Variants in ITGA6 observed in about 807,000 individuals in gnomAD.
The protein encoded by ITGA6 is integrin subunit alpha 6, also known as integrin alpha-6.
Under a neutral mutation model 133.6 loss-of-function variants are expected in ITGA6, and 63 were observed. That is an observed-to-expected ratio of 0.47 (90% CI 0.38 to 0.58). The LOEUF (loss-of-function observed/expected upper bound fraction) is 0.58, where lower values mean the gene tolerates loss of function less well. ITGA6 is among the 20% of genes least tolerant of loss of function. The probability of loss-of-function intolerance (pLI) is 0.00; values close to 1 mark genes in which losing one functional copy is unlikely to be tolerated. For synonymous variants in ITGA6, 434 were observed against 482.0 expected (o/e 0.90, Z 1.30); for missense variants, 1,068 against 1,309.4 (o/e 0.82, Z 2.85).
chr2:172,432,722 A>G (rs1425501476), intron 1 of ITGA6, among the ~76,000 whole-genome samples: 1 of 152,204 alleles, frequency 6.6e-6, no homozygotes, highest in Non-Finnish European at 1.5e-5. Context: ...TTTTGCCCTA[A>G]AGGCAGACTT....
intron 1 of ITGA6, among the ~76,000 whole-genome samples, chr2:172,463,246 C>T (rs181105444): frequency 1.3e-5 from 2 of 152,280 alleles, no homozygotes; most frequent in East Asian, 3.9e-4. Context: ...CCTTAGGTAA[C>T]TTAGTAGCCA....
At chr2:172,490,092 A>G (rs572935907) in intron 20 of ITGA6, among the ~76,000 whole-genome samples, 1 of 152,306 alleles carries the variant, frequency 6.6e-6, no homozygotes, top group South Asian at 2.1e-4. Flanking sequence ...TTAAAATAGT[A>G]ATTATTTATT....
intron 24 of ITGA6, among the ~76,000 whole-genome samples, chr2:172,500,341 G>A (rs59424951): frequency 0.16 from 24,569 of 152,100 alleles, 2,458 homozygotes; most frequent in African/African-American, 0.28. Context: ...GGCTGGGCGC[G>A]GTGGCTCCTG....
chr2:172,473,110 C>A (rs1365460887), intron 5 of ITGA6, among the ~76,000 whole-genome samples: 1 of 152,170 alleles, frequency 6.6e-6, no homozygotes, highest in Non-Finnish European at 1.5e-5. Context: ...CAATTCACTT[C>A]ACAATTTGAG....
rs531510886 is a variant in ITGA6, at chr2:172,479,767, C to T, written c.1487+28C>T. 5 of 1,569,836 alleles carry T rather than the reference C, an allele frequency of 3.2e-6. No individual in the cohort carries two copies. The South Asian group carries it at 4.4e-5, about 14-fold the overall frequency. ...GAGCATCCCTCTGTCTTGGTGGGAT[C>T]CCCCTCAGTTTCCCACCTCCACTTC... On this transcript the variant is annotated intron_variant, in intron 10 of 25. Transcript: ENST00000684293.
chr2:172,451,011 T>A (rs1188677087), intron 1 of ITGA6, among the ~76,000 whole-genome samples: 1 of 149,270 alleles, frequency 6.7e-6, no homozygotes, highest in Admixed American at 6.7e-5. Context: ...AAAAATTAGC[T>A]GGACGTGGGG....
chr2:172,506,363 T>G lies in ITGA6; in HGVS notation c.*2295T>G, dbSNP rs1687563421. The G allele has an allele frequency of 6.6e-6, 1 of 152,220 alleles. No homozygotes were observed. The highest frequency in any genetic ancestry group is 2.4e-5 in the African/African-American group (1 of 41,402). The allele number at this position is 152,220 out of a possible 1,614,324, so 9.4% of individuals were successfully genotyped here. A position where few individuals can be genotyped will look rare whatever the true frequency, so the allele number is the denominator to read the frequency against. ...AGTGCCAAAGCAATGGGATTCGGGGTTTTTTTCTGTTTTCGCTCTATGTAG... is the reference window on the plus strand; with the variant it reads ...AGTGCCAAAGCAATGGGATTCGGGGGTTTTTTCTGTTTTCGCTCTATGTAG... On this transcript the variant is annotated 3_prime_UTR_variant, in exon 26 of 26. Transcript: ENST00000684293.
intron 1 of ITGA6, among the ~76,000 whole-genome samples, chr2:172,449,105 G>A (rs1352271916): frequency 6.6e-6 from 1 of 152,196 alleles, no homozygotes; most frequent in Non-Finnish European, 1.5e-5. Context: ...CTGGTGGATG[G>A]CCAGGGTGTG....
At chr2:172,441,002 G>A (rs1459936636) in intron 1 of ITGA6, among the ~76,000 whole-genome samples, 2 of 152,040 alleles carry the variant, frequency 1.3e-5, no homozygotes, top group African/African-American at 4.8e-5. Context: ...CTGTATTAAG[G>A]CCATCTTTAG....
intron 1 of ITGA6, 108 bp from the exon 2 acceptor site, chr2:172,465,431 G>T: frequency 7.6e-7 from 1 of 1,322,278 alleles, no homozygotes. Flanking sequence ...TGAAGAATTA[G>T]TGGACTCCTA....
intron 1 of ITGA6, among the ~76,000 whole-genome samples, chr2:172,442,176 C>T (rs1173596621): frequency 1.3e-5 from 2 of 152,166 alleles, no homozygotes; most frequent in Admixed American, 6.5e-5. Flanking sequence ...TGGTTACCGC[C>T]ACACCCCTCA....
chr2:172,500,267 G>A (rs1443757793), intron 24 of ITGA6, among the ~76,000 whole-genome samples: 1 of 151,920 alleles, frequency 6.6e-6, no homozygotes, highest in African/African-American at 2.4e-5. Context: ...CCCTTGGGCT[G>A]GTCTAAATCA....
intron 1 of ITGA6, among the ~76,000 whole-genome samples, chr2:172,440,066 T>C (rs1233805900): frequency 6.6e-6 from 1 of 152,204 alleles, no homozygotes; most frequent in African/African-American, 2.4e-5. Flanking sequence ...CAGGTCAACA[T>C]TGGTCAGCCT....
At chr2:172,435,359 C>T (rs1418468116) in intron 1 of ITGA6, among the ~76,000 whole-genome samples, 1 of 152,096 alleles carries the variant, frequency 6.6e-6, no homozygotes, top group Non-Finnish European at 1.5e-5. Context: ...GAAATCCTCC[C>T]TAGGCCCCAT....
chr2:172,453,216 A>G (rs1685077784), intron 1 of ITGA6, among the ~76,000 whole-genome samples: 1 of 151,632 alleles, frequency 6.6e-6, no homozygotes, highest in African/African-American at 2.4e-5. Context: ...ACTGTTACAC[A>G]ATTTTTTTTT....
intron 1 of ITGA6, among the ~76,000 whole-genome samples, chr2:172,429,308 T>C (rs1483044657): frequency 1.3e-5 from 2 of 152,110 alleles, no homozygotes; most frequent in Non-Finnish European, 2.9e-5. Flanking sequence ...CAGAAATAAT[T>C]GTTGTTAAGC....
intron 11 of ITGA6, 114 bp from the exon 12 acceptor site, chr2:172,484,668 G>A: frequency 1.1e-6 from 1 of 877,238 alleles, no homozygotes; most frequent in Non-Finnish European, 1.9e-6. Context: ...AATATGAAGA[G>A]AAACAATGGC....
intron 11 of ITGA6, among the ~76,000 whole-genome samples, chr2:172,480,292 C>T (rs1436049190): frequency 6.6e-6 from 1 of 152,170 alleles, no homozygotes; most frequent in African/African-American, 2.4e-5. Flanking sequence ...GACAGAATGG[C>T]TTGGAAAAGT....
intron 23 of ITGA6, chr2:172,495,340 T>G (rs1177871442): frequency 6.6e-6 from 1 of 152,218 alleles, no homozygotes; most frequent in Non-Finnish European, 1.5e-5. Context: ...AAATTATTTT[T>G]GGAGTTGTAA....
Sources: gnomAD v4.1 joint callset for allele counts (sites outside exome capture counted in the v4.1 genomes callset) on GRCh38, gnomAD v4.1.1 for gene constraint, MANE v1.5 for transcripts, NCBI Gene and HGNC (gene_info 2026-07-23, HGNC 2026-07-21) for gene names.